Variants in STXBP4 observed in about 807,000 individuals in gnomAD.
STXBP4 encodes syntaxin binding protein 4.
STXBP4 carries 55 observed loss-of-function variants against 76.1 expected under a neutral mutation model. The ratio of observed to expected loss-of-function variants is 0.72; its 90% CI spans 0.58 to 0.91. STXBP4 has a LOEUF of 0.91. Among genes scored for constraint, STXBP4 ranks in the 40% least tolerant of loss-of-function variants. The probability of loss-of-function intolerance (pLI) is 0.00; values close to 1 mark genes in which losing one functional copy is unlikely to be tolerated. For missense variants in STXBP4, 618 were observed against 636.9 expected (o/e 0.97, Z 0.32); for synonymous variants, 201 against 220.2 (o/e 0.91, Z 0.77).
Position 55,159,846 on chromosome 17 carries a change from A to G in STXBP4, c.1597A>G (p.Asn533Asp). ...GATCCATCCCGTGATGAGTGTCCTG[A>G]ATCTATCTCGCTCAGAGGAGAATGA... The part of the protein sequence containing the change: ...SWIHPVMSVL[N>D]LSRSEENEED... The change falls in exon 18 of 18, where the codon AAT becomes GAT. Residue 533 changes from asparagine to aspartate, a missense_variant. Asn to Asp is a conservative substitution (Grantham distance 23, BLOSUM62 1). Transcript: ENST00000376352. 6.2e-7 allele frequency: 1 copy of G among 1,613,988 alleles called. No homozygotes were observed. The highest frequency in any genetic ancestry group is 8.5e-7 in the Non-Finnish European group (1 of 1,179,894).
intron 8 of STXBP4, among the ~76,000 whole-genome samples, chr17:55,014,390 A>G (rs982504095): frequency 2.0e-5 from 3 of 152,166 alleles, no homozygotes; most frequent in Admixed American, 2.0e-4. Context: ...TGGGGCTTTC[A>G]GGCATAATTA....
At chr17:55,143,343 G>A (rs895323585) in intron 17 of STXBP4, among the ~76,000 whole-genome samples, 1 of 152,200 alleles carries the variant, frequency 6.6e-6, no homozygotes, top group Non-Finnish European at 1.5e-5. Flanking sequence ...AGGATCCTTT[G>A]AAATGTCAGT....
At chr17:55,025,524 T>A (rs908691923) in intron 8 of STXBP4, among the ~76,000 whole-genome samples, 1 of 152,224 alleles carries the variant, frequency 6.6e-6, no homozygotes, top group Non-Finnish European at 1.5e-5. Context: ...GATACTTGAT[T>A]TTTTAATTCT....
At chr17:55,188,756 A>G in the STXBP4 span, among the ~76,000 whole-genome samples, 1 of 152,200 alleles carries the variant, frequency 6.6e-6, no homozygotes. Flanking sequence ...GCAACCATCT[A>G]TTAGAATGGT....
chr17:55,120,516 A>C (rs2079832306), intron 16 of STXBP4, among the ~76,000 whole-genome samples: 1 of 152,226 alleles, frequency 6.6e-6, no homozygotes, highest in Non-Finnish European at 1.5e-5. Flanking sequence ...AAAAATAGGA[A>C]GACAAATTTT....
At chr17:55,117,677 T>G (rs2079797516) in intron 16 of STXBP4, among the ~76,000 whole-genome samples, 1 of 151,920 alleles carries the variant, frequency 6.6e-6, no homozygotes, top group Non-Finnish European at 1.5e-5. Context: ...GATCTAGCTA[T>G]TTCTAAAGGT....
At chr17:55,120,578 A>G (rs1294428663) in intron 16 of STXBP4, among the ~76,000 whole-genome samples, 1 of 152,218 alleles carries the variant, frequency 6.6e-6, no homozygotes, top group African/African-American at 2.4e-5. Context: ...CAAAAATATG[A>G]AGCTCCAAGT....
the STXBP4 span, among the ~76,000 whole-genome samples, chr17:55,185,189 TTTCTTCTTCTTC>T: frequency 1.5e-3 from 134 of 87,724 alleles, 2 homozygotes; most frequent in Middle Eastern, 0.011. Flanking sequence ...TCTTCTTCTT[TTTCTTCTTCTTC>T]TTCTTCTTCT....
At chr17:55,072,744 A>G (rs1233208989) in intron 12 of STXBP4, among the ~76,000 whole-genome samples, 156 bp from the exon 13 acceptor site, 1 of 152,248 alleles carries the variant, frequency 6.6e-6, no homozygotes, top group Non-Finnish European at 1.5e-5. Context: ...CACATAATAA[A>G]ATAACATAAC....
intron 16 of STXBP4, among the ~76,000 whole-genome samples, chr17:55,138,732 T>TTAG (rs1481271980): frequency 6.6e-6 from 1 of 152,132 alleles, no homozygotes; most frequent in African/African-American, 2.4e-5. Context: ...TTAGATAATG[T>TTAG]TAGTCATATC....
chr17:55,031,309 C>T, intron 9 of STXBP4, 45 bp downstream of exon 9: 1 of 1,411,458 alleles, frequency 7.1e-7, no homozygotes, highest in African/African-American at 1.4e-5. Context: ...AATCATCATT[C>T]AAGAGTTATG....
intron 8 of STXBP4, among the ~76,000 whole-genome samples, chr17:55,009,198 C>G (rs1490851329): frequency 6.6e-6 from 1 of 152,132 alleles, no homozygotes; most frequent in Non-Finnish European, 1.5e-5. Context: ...TCCTGAGTAT[C>G]TTTTGTAACG....
At chr17:55,025,496 C>CT (rs1454119696) in intron 8 of STXBP4, among the ~76,000 whole-genome samples, 8 of 152,050 alleles carry the variant, frequency 5.3e-5, no homozygotes, top group Non-Finnish European at 1.0e-4. Context: ...ACATAATAGT[C>CT]TTTTTTTATT....
At chr17:55,156,065 C>G (rs2080273614) in intron 17 of STXBP4, among the ~76,000 whole-genome samples, 1 of 152,144 alleles carries the variant, frequency 6.6e-6, no homozygotes, top group African/African-American at 2.4e-5. Context: ...GTTGACTGCT[C>G]TCCAAATCAG....
At chr17:55,122,787 A>G (rs2079861335) in intron 16 of STXBP4, among the ~76,000 whole-genome samples, 2 of 152,206 alleles carry the variant, frequency 1.3e-5, no homozygotes, top group Admixed American at 1.3e-4. Flanking sequence ...TTAAAATATT[A>G]AAATTATAAG....
chr17:54,976,337 C>T (rs2077473362), intron 1 of STXBP4, among the ~76,000 whole-genome samples: 1 of 152,206 alleles, frequency 6.6e-6, no homozygotes, highest in African/African-American at 2.4e-5. Context: ...CCAATTGTCC[C>T]ATAGAACTGA....
the STXBP4 span, among the ~76,000 whole-genome samples, chr17:55,209,696 T>C: frequency 2.0e-5 from 3 of 152,200 alleles, no homozygotes; most frequent in Non-Finnish European, 4.4e-5. Flanking sequence ...GTCAATGCTG[T>C]TTCATATCTG....
intron 16 of STXBP4, among the ~76,000 whole-genome samples, chr17:55,115,259 C>T (rs1411815784): frequency 6.6e-6 from 1 of 151,746 alleles, no homozygotes; most frequent in Non-Finnish European, 1.5e-5. Flanking sequence ...TTAGGAAGCA[C>T]GTTGACTTTA....
chr17:55,061,425 G>A (rs2078993733), intron 12 of STXBP4, among the ~76,000 whole-genome samples: 1 of 152,040 alleles, frequency 6.6e-6, no homozygotes, highest in Non-Finnish European at 1.5e-5. Flanking sequence ...AGCACTAGTA[G>A]GTGTTTTAAG....
Sources: gnomAD v4.1 joint callset for allele counts (sites outside exome capture counted in the v4.1 genomes callset) on GRCh38, gnomAD v4.1.1 for gene constraint, MANE v1.5 for transcripts, NCBI Gene and HGNC (gene_info 2026-07-23, HGNC 2026-07-21) for gene names.